The following HCN1 variants were observed in gnomAD, a reference collection of about 807,000 sequenced individuals.
HCN1 encodes the protein potassium/sodium hyperpolarization-activated cyclic nucleotide-gated channel 1.
HCN1 carries 13 observed loss-of-function variants against 78.9 expected under a neutral mutation model. The observed-to-expected ratio is 0.16, with a 90% CI of 0.11 to 0.26. The LOEUF (loss-of-function observed/expected upper bound fraction) is 0.26. Among genes scored for constraint, HCN1 ranks in the 10% least tolerant of loss-of-function variants. The probability of loss-of-function intolerance (pLI) is 1.00; values close to 1 mark genes in which losing one functional copy is unlikely to be tolerated. For synonymous variants in HCN1, 552 were observed against 455.5 expected (o/e 1.21, Z -2.70); for missense variants, 810 against 1,154.3 (o/e 0.70, Z 4.32).
chr5:45,456,850 C>T (rs1437598366), intron 3 of HCN1, among the ~76,000 whole-genome samples: 6 of 151,954 alleles, frequency 3.9e-5, no homozygotes, highest in African/African-American at 1.4e-4. Flanking sequence ...GAAACGTGTA[C>T]AGGATTTAAT....
intron 5 of HCN1, among the ~76,000 whole-genome samples, chr5:45,325,819 A>G (rs1405100470): frequency 6.6e-6 from 1 of 151,704 alleles, no homozygotes; most frequent in Non-Finnish European, 1.5e-5. Context: ...TCTAGTAGGA[A>G]GGATTTACAC....
chr5:45,382,599 T>A (rs1188063370), intron 4 of HCN1, among the ~76,000 whole-genome samples: 2 of 152,170 alleles, frequency 1.3e-5, no homozygotes, highest in Non-Finnish European at 2.9e-5. Flanking sequence ...TTAACCTGTA[T>A]TCTACATGAA....
intron 3 of HCN1, among the ~76,000 whole-genome samples, chr5:45,400,736 T>C (rs1054441393): frequency 2.0e-5 from 3 of 152,104 alleles, no homozygotes; most frequent in Non-Finnish European, 2.9e-5. Flanking sequence ...TTAAAATCAT[T>C]AGCAACTTTT....
intron 2 of HCN1, among the ~76,000 whole-genome samples, chr5:45,490,346 A>C (rs895329573): frequency 5.3e-5 from 8 of 152,136 alleles, no homozygotes; most frequent in African/African-American, 1.7e-4. Context: ...TGTTTTTCCA[A>C]AACTGTTGGT....
At chr5:45,410,127 C>T (rs969570821) in intron 3 of HCN1, among the ~76,000 whole-genome samples, 1 of 151,882 alleles carries the variant, frequency 6.6e-6, no homozygotes, top group African/African-American at 2.4e-5. Flanking sequence ...GCATAGATCT[C>T]TTACAAGGAA....
intron 2 of HCN1, among the ~76,000 whole-genome samples, chr5:45,618,867 T>C (rs1359248763): frequency 1.3e-5 from 2 of 151,622 alleles, no homozygotes; most frequent in Non-Finnish European, 2.9e-5. Flanking sequence ...CTAGACGGGA[T>C]ATAAAGAGTT....
At chr5:45,547,710 T>A (rs1743258163) in intron 2 of HCN1, among the ~76,000 whole-genome samples, 1 of 148,810 alleles carries the variant, frequency 6.7e-6, no homozygotes, top group African/African-American at 2.6e-5. Context: ...TGTCAAGCCA[T>A]TTTTTTAATA....
intron 6 of HCN1, among the ~76,000 whole-genome samples, chr5:45,293,726 C>T (rs938068267): frequency 2.6e-5 from 4 of 151,950 alleles, no homozygotes; most frequent in African/African-American, 4.8e-5. Context: ...GGCATTGATT[C>T]ATTTATAAAT....
At chr5:45,584,357 C>A (rs556163908) in intron 2 of HCN1, among the ~76,000 whole-genome samples, 73 of 152,100 alleles carry the variant, frequency 4.8e-4, no homozygotes, top group African/African-American at 1.5e-3. Context: ...GCAACCCCTG[C>A]CTTTTTTTGT....
rs1744402825 is a variant in HCN1 at position 45,592,845 on chromosome 5, T to C, written c.849+52340A>G. ...TACAAGAACCAAACCATTGAAGATT[T>C]AGAAGCAATGAAAAGTTATCTTATT... On this transcript the variant is annotated intron_variant, in intron 2 of 7. Coordinates refer to ENST00000303230, the MANE Select transcript of HCN1 (RefSeq NM_021072.4). Among the ~76,000 whole-genome samples the C allele has an allele frequency of 1.3e-5, 2 of 152,176 alleles. 1 individual carries two copies. The highest frequency in any genetic ancestry group is 2.9e-5 in the Non-Finnish European group (2 of 68,020).
intron 3 of HCN1, among the ~76,000 whole-genome samples, chr5:45,424,284 C>T (rs887704588): frequency 6.6e-6 from 1 of 151,780 alleles, no homozygotes; most frequent in African/African-American, 2.4e-5. Context: ...TAGAGCTAGA[C>T]TCCGCCTCAA....
chr5:45,613,781 T>G (rs1270562977), intron 2 of HCN1, among the ~76,000 whole-genome samples: 1 of 152,184 alleles, frequency 6.6e-6, no homozygotes, highest in Middle Eastern at 3.2e-3. Context: ...AATTTTATTT[T>G]TATTAAAAAT....
At chr5:45,525,098 T>C (rs1006534257) in intron 2 of HCN1, among the ~76,000 whole-genome samples, 1 of 152,178 alleles carries the variant, frequency 6.6e-6, no homozygotes, top group Non-Finnish European at 1.5e-5. Flanking sequence ...AGGCCTTTTC[T>C]GCCTCTATTG....
intron 2 of HCN1, among the ~76,000 whole-genome samples, chr5:45,504,113 T>A (rs1192087132): frequency 6.6e-6 from 1 of 152,078 alleles, no homozygotes; most frequent in Non-Finnish European, 1.5e-5. Context: ...TTCTTCTTAT[T>A]ATTATACATT....
intron 2 of HCN1, among the ~76,000 whole-genome samples, chr5:45,534,921 A>G (rs1317888091): frequency 6.6e-6 from 1 of 152,214 alleles, no homozygotes; most frequent in Non-Finnish European, 1.5e-5. Flanking sequence ...TTTAAGAATA[A>G]CAACATACTT....
intron 3 of HCN1, among the ~76,000 whole-genome samples, chr5:45,431,181 C>T (rs878902546): frequency 6.6e-6 from 1 of 152,168 alleles, no homozygotes; most frequent in Non-Finnish European, 1.5e-5. Flanking sequence ...ATTTGCATTT[C>T]TCTAATGATT....
At chr5:45,492,000 A>G (rs1287897239) in intron 2 of HCN1, among the ~76,000 whole-genome samples, 1 of 152,152 alleles carries the variant, frequency 6.6e-6, no homozygotes, top group Non-Finnish European at 1.5e-5. Flanking sequence ...TAACAAACCA[A>G]GACAAACACT....
intron 6 of HCN1, among the ~76,000 whole-genome samples, chr5:45,292,995 G>C (rs1043792452): frequency 1.3e-5 from 2 of 151,980 alleles, no homozygotes; most frequent in Non-Finnish European, 2.9e-5. Context: ...TAGGCTAAAT[G>C]CTATGAAAGC....
rs915799950 is a variant in HCN1, at chr5:45,345,995, T to G, written c.1377+7105A>C. Among the ~76,000 whole-genome samples, 105 of 152,202 alleles carry G rather than the reference T, an allele frequency of 6.9e-4. 1 individual carries two copies. The highest frequency in any genetic ancestry group is 2.5e-3 in the African/African-American group (102 of 41,450). Reference sequence around the variant, plus strand: ...ATAGTTCAGCATGGCTGGGGAGGCCTCAAGAAACTTACAAGCATGGCAGAA... The same window carrying G: ...ATAGTTCAGCATGGCTGGGGAGGCCGCAAGAAACTTACAAGCATGGCAGAA... On this transcript the variant is annotated intron_variant, in intron 5 of 7. Transcript: ENST00000303230.
Sources: gnomAD v4.1 joint callset for allele counts (sites outside exome capture counted in the v4.1 genomes callset) on GRCh38, gnomAD v4.1.1 for gene constraint, MANE v1.5 for transcripts, NCBI Gene and HGNC (gene_info 2026-07-23, HGNC 2026-07-21) for gene names.